Variants in GALNT13 observed in about 807,000 individuals in gnomAD.
GALNT13 encodes polypeptide N-acetylgalactosaminyltransferase 13.
In GALNT13, 28 loss-of-function variants were observed where a neutral mutation model predicts 64.2. The observed-to-expected ratio is 0.44, with a 90% CI of 0.32 to 0.60. GALNT13 has a LOEUF of 0.60. Among genes scored for constraint, GALNT13 ranks in the 20% least tolerant of loss-of-function variants. GALNT13 has a pLI of 0.05. For synonymous variants in GALNT13, 214 were observed against 224.6 expected, an observed-to-expected ratio of 0.95 and a Z score of 0.42; for missense variants, 577 against 669.8, an observed-to-expected ratio of 0.86 and a Z score of 1.53.
At chr2:153,385,677 T>G in the GALNT13 span, among the ~76,000 whole-genome samples, 2 of 152,112 alleles carry the variant, frequency 1.3e-5, no homozygotes, top group African/African-American at 4.8e-5. Context: ...CAATAATAAT[T>G]TAATTGTACA....
chr2:153,198,267 T>C, the GALNT13 span, among the ~76,000 whole-genome samples: 4 of 152,160 alleles, frequency 2.6e-5, no homozygotes, highest in Non-Finnish European at 4.4e-5. Flanking sequence ...AGTGCTCTTA[T>C]GCAGATTCCA....
intron 4 of GALNT13, among the ~76,000 whole-genome samples, chr2:154,204,738 A>G (rs1464206657): frequency 6.6e-6 from 1 of 152,128 alleles, no homozygotes; most frequent in South Asian, 2.1e-4. Flanking sequence ...TTCCCTTTGT[A>G]CTCTACTATC....
intron 4 of GALNT13, among the ~76,000 whole-genome samples, chr2:154,208,448 G>A (rs1559025528): frequency 1.3e-5 from 2 of 152,036 alleles, no homozygotes; most frequent in Non-Finnish European, 2.9e-5. Context: ...CTAATATTAG[G>A]TAATAGTTAC....
intron 1 of GALNT13, among the ~76,000 whole-genome samples, chr2:153,888,838 T>C (rs1687359033): frequency 6.6e-6 from 1 of 152,016 alleles, no homozygotes; most frequent in Non-Finnish European, 1.5e-5. Context: ...TTATAATTAT[T>C]TTATTTATAG....
intron 10 of GALNT13, among the ~76,000 whole-genome samples, chr2:154,401,982 T>C (rs1345531123): frequency 6.6e-6 from 1 of 152,166 alleles, no homozygotes; most frequent in East Asian, 1.9e-4. Context: ...TTTAAATGCA[T>C]ATCCACAAGA....
chr2:154,291,859 C>A (rs1456642574), intron 8 of GALNT13, among the ~76,000 whole-genome samples: 1 of 152,232 alleles, frequency 6.6e-6, no homozygotes, highest in Non-Finnish European at 1.5e-5. Flanking sequence ...TGTCACCTCT[C>A]GATGTGATTC....
intron 3 of GALNT13, among the ~76,000 whole-genome samples, chr2:154,019,323 T>C (rs1301801836): frequency 2.0e-5 from 3 of 152,150 alleles, no homozygotes; most frequent in African/African-American, 7.2e-5. Context: ...AAATCATTAA[T>C]TCTTTAGCAT....
the GALNT13 span, among the ~76,000 whole-genome samples, chr2:153,777,091 TA>T: frequency 6.6e-6 from 1 of 151,402 alleles, no homozygotes. Flanking sequence ...TGACATTTTG[TA>T]AAAACTACAA....
chr2:153,983,580 A>G (rs554611351), intron 3 of GALNT13, among the ~76,000 whole-genome samples: 1 of 152,062 alleles, frequency 6.6e-6, no homozygotes, highest in Non-Finnish European at 1.5e-5. Context: ...TTATGTTTGC[A>G]GTAATGAAAG....
At chr2:153,265,228 C>T in the GALNT13 span, among the ~76,000 whole-genome samples, 1 of 152,130 alleles carries the variant, frequency 6.6e-6, no homozygotes, top group African/African-American at 2.4e-5. Flanking sequence ...GCTCTGAGCC[C>T]AGCACAGATC....
the GALNT13 span, among the ~76,000 whole-genome samples, chr2:153,178,738 T>A: frequency 2.1e-5 from 3 of 143,174 alleles, no homozygotes; most frequent in African/African-American, 7.7e-5. Context: ...TCTTCTTTTT[T>A]TTTTTTTTTT....
chr2:153,351,079 G>A, the GALNT13 span, among the ~76,000 whole-genome samples: 2 of 152,060 alleles, frequency 1.3e-5, no homozygotes, highest in African/African-American at 4.8e-5. Context: ...AACTAAGTAA[G>A]CTCTATCTAA....
chr2:154,342,194 A>G (rs1208871478), intron 9 of GALNT13, among the ~76,000 whole-genome samples: 2 of 152,076 alleles, frequency 1.3e-5, no homozygotes, highest in Non-Finnish European at 2.9e-5. Flanking sequence ...ATGTTTAGAT[A>G]ATTTTAAGGT....
At chr2:153,508,853 C>T in the GALNT13 span, among the ~76,000 whole-genome samples, 1 of 152,174 alleles carries the variant, frequency 6.6e-6, no homozygotes, top group East Asian at 1.9e-4. Context: ...TGACTCCTAT[C>T]TGCCATCTTC....
At chr2:154,195,079 A>G (rs946472247) in intron 4 of GALNT13, among the ~76,000 whole-genome samples, 26 of 151,874 alleles carry the variant, frequency 1.7e-4, no homozygotes, top group African/African-American at 7.3e-5. Flanking sequence ...CCCTCTGTCC[A>G]TGTGTTCTCA....
the GALNT13 span, among the ~76,000 whole-genome samples, chr2:153,695,095 A>G: frequency 6.6e-6 from 1 of 152,178 alleles, no homozygotes; most frequent in African/African-American, 2.4e-5. Flanking sequence ...AAGATAAACT[A>G]AAGTCTTCTA....
chr2:154,195,757 C>T (rs1342262652), intron 4 of GALNT13, among the ~76,000 whole-genome samples: 1 of 152,032 alleles, frequency 6.6e-6, no homozygotes, highest in Non-Finnish European at 1.5e-5. Context: ...ACTACTCTGT[C>T]TCAGGTTTCA....
chr2:154,443,841 G>A (rs182291312), intron 12 of GALNT13, among the ~76,000 whole-genome samples: 3 of 152,124 alleles, frequency 2.0e-5, no homozygotes, highest in East Asian at 1.9e-4. Context: ...TACATGTTAC[G>A]ATTAAAATAT....
the GALNT13 span, among the ~76,000 whole-genome samples, chr2:153,553,693 G>T: frequency 0.017 from 2,579 of 152,272 alleles, 76 homozygotes; most frequent in African/African-American, 0.058. Context: ...GTCTAGAAAT[G>T]GTGATCAGGA....
Sources: allele counts gnomAD v4.1 joint callset (sites outside exome capture counted in the v4.1 genomes callset), GRCh38; gene constraint gnomAD v4.1.1; transcripts MANE v1.5; gene names NCBI Gene and HGNC (gene_info 2026-07-23, HGNC 2026-07-21).